Variants in CCDC13 observed in about 807,000 individuals in gnomAD.
The protein encoded by CCDC13 is coiled-coil domain containing 13.
Under a neutral mutation model 87.3 loss-of-function variants are expected in CCDC13, and 70 were observed. The ratio of observed to expected loss-of-function variants is 0.80; its 90% CI spans 0.66 to 0.98. The LOEUF is 0.98. Ranked by LOEUF, CCDC13 falls within the 50% of genes least tolerant of loss-of-function variation. The pLI, the probability that CCDC13 is intolerant of heterozygous loss-of-function variation, is 0.00. For synonymous variants in CCDC13, 317 were observed against 360.3 expected, an observed-to-expected ratio of 0.88 and a Z score of 1.36; for missense variants, 842 against 892.0, an observed-to-expected ratio of 0.94 and a Z score of 0.71.
intron 13 of CCDC13, among the ~76,000 whole-genome samples, chr3:42,714,382 C>A (rs1006635905): frequency 6.6e-6 from 1 of 152,206 alleles, no homozygotes; most frequent in Admixed American, 6.5e-5. Context: ...TTAGTTAGAG[C>A]CATGACGCAC....
At chr3:42,728,205 C>A (rs1423019599) in intron 13 of CCDC13, among the ~76,000 whole-genome samples, 1 of 152,208 alleles carries the variant, frequency 6.6e-6, no homozygotes, top group Non-Finnish European at 1.5e-5. Context: ...TTGGCTCGCC[C>A]TTGGCCTTGG....
At position 42,756,115 on chromosome 3, in the gene CCDC13, G is replaced by A. The variant is rs147414065; in HGVS notation, c.370+951C>T. 2.6e-5 allele frequency among the ~76,000 whole-genome samples: 4 copies of A among 152,296 alleles called. No individual in the cohort carries two copies. The East Asian group carries it at 5.8e-4, about 22-fold the overall frequency. On this transcript the variant is annotated intron_variant, in intron 3 of 15. Coordinates refer to ENST00000310232, the MANE Select transcript of CCDC13 (RefSeq NM_144719.4). Reference sequence around the variant, plus strand: ...TGACCAGAGCTTTGGTCCTATGAACGTACCTATCCTCAAACGCATTTACTC... The same window carrying A: ...TGACCAGAGCTTTGGTCCTATGAACATACCTATCCTCAAACGCATTTACTC...
intron 12 of CCDC13, among the ~76,000 whole-genome samples, chr3:42,731,579 G>A (rs1698831993): frequency 6.6e-6 from 1 of 152,248 alleles, no homozygotes; most frequent in Admixed American, 6.5e-5. Flanking sequence ...CACTTGACCT[G>A]GCTGATCAGC....
At chr3:42,769,660 C>A (rs1700013779) in intron 1 of CCDC13, among the ~76,000 whole-genome samples, 1 of 152,284 alleles carries the variant, frequency 6.6e-6, no homozygotes, top group African/African-American at 2.4e-5. Context: ...GAGACCCTCT[C>A]TGGGCTGGCC....
At chr3:42,735,187 A>T (rs1333903663) in intron 10 of CCDC13, among the ~76,000 whole-genome samples, 1 of 152,036 alleles carries the variant, frequency 6.6e-6, no homozygotes, top group Non-Finnish European at 1.5e-5. Context: ...GCCGTGGGGG[A>T]GGAGGGGAGG....
chr3:42,735,919 G>A lies in CCDC13; in HGVS notation c.1165-6C>T. On this transcript the variant is annotated splice_polypyrimidine_tract_variant and splice_region_variant and intron_variant, in intron 9 of 15. Transcript: ENST00000310232. ...TGTAGCTGCTTCAGCTGGTCCTGGG[G>A]GGCCAGGCAGGAGGGCAGGTGGAGT... is the stretch of plus-strand genomic sequence containing the variant. The A allele has an allele frequency of 6.2e-7, 1 of 1,611,396 alleles. No individual in the cohort carries two copies. The highest frequency in any genetic ancestry group is 8.5e-7 in the Non-Finnish European group (1 of 1,178,978).
At chr3:42,751,154 A>G (rs1559656744) in intron 5 of CCDC13, among the ~76,000 whole-genome samples, 1 of 152,198 alleles carries the variant, frequency 6.6e-6, no homozygotes. Flanking sequence ...AGCAGGGAAG[A>G]TGGGGCTAGA....
At chr3:42,715,561 G>A (rs550630363) in intron 13 of CCDC13, among the ~76,000 whole-genome samples, 6 of 152,184 alleles carry the variant, frequency 3.9e-5, no homozygotes, top group East Asian at 1.9e-4. Context: ...GCAGTGAGCC[G>A]AGATCGCACC....
At position 42,742,909 on chromosome 3, in the gene CCDC13, T is replaced by C; in HGVS notation, c.974A>G (p.Gln325Arg). 1 of 1,614,136 alleles carries C rather than the reference T, an allele frequency of 6.2e-7. No homozygotes were observed. The highest frequency in any genetic ancestry group is 8.5e-7 in the Non-Finnish European group (1 of 1,179,988). ...GGCACGCGTTACCTCCAAGCCTTCC[T>C]GTTTTTCCCTTTCCAGGCTGCGGAT... ...LRIRSLEREK[Q>R]EGLEKLASER... Residue 325 changes from glutamine to arginine, a missense_variant, in exon 8 of 16, where the codon CAG becomes CGG. Physicochemically the swap from Gln to Arg is conservative, Grantham distance 43. Coordinates refer to ENST00000310232, the MANE Select transcript of CCDC13 (RefSeq NM_144719.4).
At chr3:42,771,135 AT>A (rs1242122723) in intron 1 of CCDC13, 2 of 152,230 alleles carry the variant, frequency 1.3e-5, no homozygotes, top group Non-Finnish European at 2.9e-5. Context: ...ATGAAAAGAA[AT>A]GAGCTATCAC....
chr3:42,727,817 T>C (rs1221804960), intron 13 of CCDC13, among the ~76,000 whole-genome samples: 1 of 152,172 alleles, frequency 6.6e-6, no homozygotes, highest in Non-Finnish European at 1.5e-5. Context: ...AATATCTAAC[T>C]TCCAAACTTG....
chr3:42,738,500 G>A (rs576073847), intron 9 of CCDC13, among the ~76,000 whole-genome samples: 3 of 152,230 alleles, frequency 2.0e-5, no homozygotes, highest in African/African-American at 4.8e-5. Context: ...ATTACTTTGG[G>A]CAGTATGGCC....
rs764126478 is a variant in CCDC13, at chr3:42,730,589, C to T, written c.1596G>A (p.Arg532=). The T allele has an allele frequency of 8.7e-6, 14 of 1,613,838 alleles. No homozygotes were observed. The highest frequency in any genetic ancestry group is 1.3e-5 in the African/African-American group (1 of 74,912). The change falls in exon 13 of 16, where the codon AGG becomes AGA. Residue 532 remains arginine, a splice_region_variant and synonymous_variant. Coordinates refer to ENST00000310232, the MANE Select transcript of CCDC13 (RefSeq NM_144719.4). ...CTTTTTGTTCTGGGGAGTCCGAGAA[C>T]CTGGGACCAGGGTGGAGGGCAGAGG... ...SLPSPHRTSP[R]FSDSPEQKGW...
intron 13 of CCDC13, among the ~76,000 whole-genome samples, chr3:42,717,424 C>CA (rs35259284): frequency 0.26 from 32,003 of 125,158 alleles, 4,629 homozygotes; most frequent in African/African-American, 0.4. Context: ...GAATCCATCT[C>CA]AAAAAAAAAA....
At chr3:42,758,469 C>A (rs1189554137) in intron 1 of CCDC13, 118 bp from the exon 2 acceptor site, 15 of 936,498 alleles carry the variant, frequency 1.6e-5, no homozygotes, top group Non-Finnish European at 2.4e-5. Flanking sequence ...GCATGTATGT[C>A]CACGCAGAAG....
At chr3:42,712,309 G>A (rs1698329738) in intron 14 of CCDC13, among the ~76,000 whole-genome samples, 1 of 151,964 alleles carries the variant, frequency 6.6e-6, no homozygotes, top group African/African-American at 2.4e-5. Flanking sequence ...TCAGACAGAG[G>A]CAGGCCCAGC....
At position 42,712,500 on chromosome 3, in the gene CCDC13, G is replaced by A. The variant is rs1004488833; in HGVS notation, c.1873+662C>T. On this transcript the variant is annotated intron_variant, in intron 14 of 15. Coordinates refer to ENST00000310232, the MANE Select transcript of CCDC13 (RefSeq NM_144719.4). The stretch of plus-strand genomic sequence containing the variant: ...TTTCAGTTAAGGATAGCATTTCCCA[G>A]CTTCCCTCTGCACCTGGCTATGCCC... 5.3e-5 allele frequency among the ~76,000 whole-genome samples: 8 copies of A among 152,238 alleles called. 1 individual carries two copies. Among genetic ancestry groups the A allele is most frequent in the Admixed American group, 4.6e-4 (7 of 15,288 alleles).
intron 13 of CCDC13, among the ~76,000 whole-genome samples, chr3:42,718,302 T>C (rs890159023): frequency 1.8e-4 from 27 of 152,116 alleles, no homozygotes; most frequent in Non-Finnish European, 3.8e-4. Flanking sequence ...ACCAGCGCCA[T>C]GACAGTTTAC....
intron 12 of CCDC13, among the ~76,000 whole-genome samples, chr3:42,730,803 A>C (rs1698809905): frequency 6.6e-6 from 1 of 152,076 alleles, no homozygotes. Context: ...AGCTGAACCT[A>C]CCAGAACTAG....
Sources: allele counts gnomAD v4.1 joint callset (sites outside exome capture counted in the v4.1 genomes callset), GRCh38; gene constraint gnomAD v4.1.1; transcripts MANE v1.5; gene names NCBI Gene and HGNC (gene_info 2026-07-23, HGNC 2026-07-21).